KCTD8: variants seen among roughly 807,000 people sequenced by gnomAD.
The protein encoded by KCTD8 is BTB/POZ domain-containing protein KCTD8.
A neutral mutation model predicts 31.5 loss-of-function variants in KCTD8; 27 were observed. The observed-to-expected ratio is 0.86, with a 90% CI of 0.63 to 1.18. KCTD8 has a LOEUF of 1.18. Among genes scored for constraint, KCTD8 ranks in the 50% most tolerant of loss-of-function variants. The pLI, the probability that KCTD8 is intolerant of heterozygous loss-of-function variation, is 0.00. For synonymous variants in KCTD8, 290 were observed against 280.0 expected, an observed-to-expected ratio of 1.04 and a Z score of -0.36; for missense variants, 658 against 647.7, an observed-to-expected ratio of 1.02 and a Z score of -0.17.
At chr4:44,434,323 C>T (rs1333458054) in intron 1 of KCTD8, among the ~76,000 whole-genome samples, 1 of 151,824 alleles carries the variant, frequency 6.6e-6, no homozygotes, top group Non-Finnish European at 1.5e-5. Flanking sequence ...GCAAAAGGTA[C>T]CATGCCAAGT....
chr4:44,245,921 T>A (rs938006181), intron 1 of KCTD8, among the ~76,000 whole-genome samples: 4 of 152,098 alleles, frequency 2.6e-5, no homozygotes, highest in African/African-American at 9.7e-5. Flanking sequence ...AATTTTTTTA[T>A]AAGTTTCTGA....
At chr4:44,349,787 C>A (rs535476882) in intron 1 of KCTD8, among the ~76,000 whole-genome samples, 1 of 152,176 alleles carries the variant, frequency 6.6e-6, no homozygotes, top group South Asian at 2.1e-4. Context: ...ATATTAAATC[C>A]TTCAATACTA....
At chr4:44,264,559 T>C (rs1310088051) in intron 1 of KCTD8, among the ~76,000 whole-genome samples, 1 of 152,124 alleles carries the variant, frequency 6.6e-6, no homozygotes, top group African/African-American at 2.4e-5. Flanking sequence ...CAGTGCACCG[T>C]GTGTGAGCCG....
intron 1 of KCTD8, among the ~76,000 whole-genome samples, chr4:44,239,147 G>A (rs1447654308): frequency 6.6e-6 from 1 of 152,116 alleles, no homozygotes; most frequent in African/African-American, 2.4e-5. Context: ...ATATAATGTG[G>A]TCTCATCTCT....
intron 1 of KCTD8, among the ~76,000 whole-genome samples, chr4:44,269,467 G>C (rs1398197405): frequency 6.6e-6 from 1 of 151,286 alleles, no homozygotes; most frequent in Admixed American, 6.6e-5. Context: ...TACCATTCAG[G>C]ACATAGGCAT....
At chr4:44,390,433 C>T (rs922306198) in intron 1 of KCTD8, among the ~76,000 whole-genome samples, 17 of 151,900 alleles carry the variant, frequency 1.1e-4, no homozygotes, top group East Asian at 3.9e-4. Context: ...TTTGCTTTGT[C>T]GAAGATCAGT....
chr4:44,203,375 C>T (rs1037725043), intron 1 of KCTD8, among the ~76,000 whole-genome samples: 16 of 151,236 alleles, frequency 1.1e-4, no homozygotes, highest in African/African-American at 3.9e-4. Flanking sequence ...TGGAGGCAGG[C>T]GCTTGTAATC....
intron 1 of KCTD8, among the ~76,000 whole-genome samples, chr4:44,214,928 A>G (rs1442681597): frequency 6.6e-6 from 1 of 152,186 alleles, no homozygotes; most frequent in African/African-American, 2.4e-5. Flanking sequence ...GTAAAACCTA[A>G]GATCAGTACT....
At chr4:44,335,760 T>C (rs1414338192) in intron 1 of KCTD8, among the ~76,000 whole-genome samples, 1 of 152,118 alleles carries the variant, frequency 6.6e-6, no homozygotes, top group African/African-American at 2.4e-5. Flanking sequence ...TAGATACAGA[T>C]ACAAGAAAAA....
intron 1 of KCTD8, among the ~76,000 whole-genome samples, chr4:44,381,487 A>G (rs1720065584): frequency 6.6e-6 from 1 of 152,156 alleles, no homozygotes; most frequent in African/African-American, 2.4e-5. Flanking sequence ...TTCCATGCAA[A>G]CAGGAACCAA....
intron 1 of KCTD8, among the ~76,000 whole-genome samples, chr4:44,343,664 A>C (rs553866679): frequency 6.6e-6 from 1 of 152,298 alleles, no homozygotes; most frequent in Non-Finnish European, 1.5e-5. Context: ...AAAGACATTA[A>C]GTTTTTAGGG....
At chr4:44,329,997 C>T (rs1181042285) in intron 1 of KCTD8, among the ~76,000 whole-genome samples, 2 of 151,856 alleles carry the variant, frequency 1.3e-5, no homozygotes, top group African/African-American at 4.8e-5. Context: ...TATCTCAATA[C>T]TTCACAATCT....
rs572721577 is a variant in KCTD8 at position 44,325,588 on chromosome 4, A to G, written c.961+121975T>C. 1.4e-4 allele frequency among the ~76,000 whole-genome samples: 22 copies of G among 152,070 alleles called. No homozygotes were observed. The South Asian group carries it at 4.3e-3, about 30-fold the overall frequency. ...TATTTCAAATTGCGTGCCTGTATCA[A>G]AACATCTCATGTATCCCATAAATAT... On this transcript the variant is annotated intron_variant, in intron 1 of 1. Transcript: ENST00000360029.
At chr4:44,300,628 A>T (rs1006626397) in intron 1 of KCTD8, among the ~76,000 whole-genome samples, 4 of 152,202 alleles carry the variant, frequency 2.6e-5, no homozygotes, top group African/African-American at 9.6e-5. Context: ...GTACTGTTAT[A>T]TGCAATAACT....
rs144605226 is a variant in KCTD8, at chr4:44,186,478, C to T, written c.962-11228G>A. Reference sequence around the variant, plus strand: ...GGATACAGAAAGCCCTCTGTCCTTGCGATAAGGCAGAGGGTCTAATTGAGC... The same window carrying T: ...GGATACAGAAAGCCCTCTGTCCTTGTGATAAGGCAGAGGGTCTAATTGAGC... On this transcript the variant is annotated intron_variant, in intron 1 of 1. Transcript: ENST00000360029. Among the ~76,000 whole-genome samples the T allele has an allele frequency of 8.9e-3, 1,361 of 152,266 alleles. 19 individuals carry two copies. The highest frequency in any genetic ancestry group is 0.031 in the African/African-American group (1,288 of 41,546).
At chr4:44,239,351 T>C (rs1715383394) in intron 1 of KCTD8, among the ~76,000 whole-genome samples, 1 of 152,164 alleles carries the variant, frequency 6.6e-6, no homozygotes, top group Admixed American at 6.5e-5. Context: ...CTTGCCCACT[T>C]ACTGGCTGTG....
intron 1 of KCTD8, among the ~76,000 whole-genome samples, chr4:44,425,718 A>C (rs1229171786): frequency 6.6e-6 from 1 of 151,976 alleles, no homozygotes; most frequent in Non-Finnish European, 1.5e-5. Flanking sequence ...CTTAGGACAA[A>C]AGATAGAGGG....
chr4:44,400,838 T>A (rs1720631639), intron 1 of KCTD8, among the ~76,000 whole-genome samples: 1 of 151,838 alleles, frequency 6.6e-6, no homozygotes, highest in Admixed American at 6.6e-5. Flanking sequence ...AATTTCATAA[T>A]TTAAAGTAAT....
chr4:44,225,006 G>T (rs368766127), intron 1 of KCTD8, among the ~76,000 whole-genome samples: 75 of 152,148 alleles, frequency 4.9e-4, no homozygotes, highest in African/African-American at 1.6e-3. Context: ...TTTTAAGGGG[G>T]GTTGAGAAAT....
Sources: allele counts gnomAD v4.1 joint callset (sites outside exome capture counted in the v4.1 genomes callset), GRCh38; gene constraint gnomAD v4.1.1; transcripts MANE v1.5; gene names NCBI Gene and HGNC (gene_info 2026-07-23, HGNC 2026-07-21).